ARL15: variants seen among roughly 807,000 people sequenced by gnomAD.
ARL15 encodes the protein ARF like GTPase 15, also known as ADP-ribosylation factor-like protein 15.
Under a neutral mutation model 25.2 loss-of-function variants are expected in ARL15, and 19 were observed. The observed-to-expected ratio is 0.75, with a 90% CI of 0.53 to 1.10. ARL15 has a LOEUF of 1.10. Ranked by LOEUF, ARL15 falls within the 50% of genes least tolerant of loss-of-function variation. The probability of loss-of-function intolerance (pLI) is 0.00; values close to 1 mark genes in which losing one functional copy is unlikely to be tolerated. For missense variants in ARL15, 220 were observed against 246.0 expected, an observed-to-expected ratio of 0.89 and a Z score of 0.71; for synonymous variants, 94 against 86.8, an observed-to-expected ratio of 1.08 and a Z score of -0.46.
chr5:53,961,495 CAAAAAAAAAAAAAAA>C (rs10589852), intron 4 of ARL15, among the ~76,000 whole-genome samples: 1 of 68,876 alleles, frequency 1.5e-5, no homozygotes, highest in East Asian at 4.5e-4. Flanking sequence ...GACTCTGTCT[CAAAAAAAAAAAAAAA>C]AAAAAAAAAA....
intron 4 of ARL15, among the ~76,000 whole-genome samples, chr5:54,081,514 T>C (rs1362488877): frequency 6.6e-6 from 1 of 152,106 alleles, no homozygotes; most frequent in Non-Finnish European, 1.5e-5. Flanking sequence ...TCCCCACATG[T>C]CAAGGGAGAG....
chr5:53,946,835 A>C (rs1006264701), intron 4 of ARL15, among the ~76,000 whole-genome samples: 2 of 152,230 alleles, frequency 1.3e-5, no homozygotes, highest in African/African-American at 4.8e-5. Flanking sequence ...ACAGAAAAGC[A>C]AATCAGAACT....
chr5:54,203,710 A>G (rs3797255), intron 1 of ARL15, among the ~76,000 whole-genome samples: 94,324 of 151,986 alleles, frequency 0.62, 29,731 homozygotes, highest in African/African-American at 0.71. Flanking sequence ...ATGTATGTGT[A>G]GAACCATCAG....
chr5:54,063,603 T>C (rs935244957), intron 4 of ARL15, among the ~76,000 whole-genome samples: 1 of 151,498 alleles, frequency 6.6e-6, no homozygotes, highest in African/African-American at 2.4e-5. Flanking sequence ...CATGGATATG[T>C]ATGACAAACT....
intron 4 of ARL15, among the ~76,000 whole-genome samples, chr5:53,917,119 C>T (rs1350675133): frequency 2.0e-5 from 3 of 152,084 alleles, no homozygotes; most frequent in East Asian, 3.9e-4. Flanking sequence ...CTCTGGAAGG[C>T]CCCTGAAAGT....
intron 1 of ARL15, among the ~76,000 whole-genome samples, chr5:54,291,299 C>T (rs1169165985): frequency 6.6e-6 from 1 of 152,034 alleles, no homozygotes; most frequent in East Asian, 1.9e-4. Flanking sequence ...GCTCCAGGAC[C>T]CTCTGCAGAT....
chr5:54,199,549 A>G (rs1362939562), intron 1 of ARL15, among the ~76,000 whole-genome samples: 1 of 151,908 alleles, frequency 6.6e-6, no homozygotes, highest in African/African-American at 2.4e-5. Flanking sequence ...AAAAATGCTC[A>G]CCATCACTGG....
chr5:54,240,232 TAAAA>T (rs36061787), intron 1 of ARL15, among the ~76,000 whole-genome samples: 1 of 132,782 alleles, frequency 7.5e-6, no homozygotes, highest in South Asian at 2.3e-4. Flanking sequence ...ATCTCAAAAA[TAAAA>T]AAAAAAAAAA....
At chr5:53,949,587 T>G (rs1374288444) in intron 4 of ARL15, among the ~76,000 whole-genome samples, 1 of 152,238 alleles carries the variant, frequency 6.6e-6, no homozygotes, top group Non-Finnish European at 1.5e-5. Flanking sequence ...ATTAATGGGC[T>G]TGCTCATATT....
intron 1 of ARL15, among the ~76,000 whole-genome samples, chr5:54,195,079 T>C (rs1755513447): frequency 1.3e-5 from 2 of 152,124 alleles, no homozygotes; most frequent in African/African-American, 4.8e-5. Flanking sequence ...GCAATATCAT[T>C]CTTATTTCTC....
chr5:53,923,554 G>C (rs1484235343), intron 4 of ARL15, among the ~76,000 whole-genome samples: 2 of 152,016 alleles, frequency 1.3e-5, no homozygotes, highest in Admixed American at 6.6e-5. Flanking sequence ...TTACCTAAAG[G>C]CATCTCCTTT....
chr5:54,004,094 C>T (rs1205814848), intron 4 of ARL15, among the ~76,000 whole-genome samples: 1 of 152,214 alleles, frequency 6.6e-6, no homozygotes, highest in Non-Finnish European at 1.5e-5. Flanking sequence ...CTTGCCATCG[C>T]TTTGCCACTT....
At chr5:53,985,383 G>A (rs758097410) in intron 4 of ARL15, among the ~76,000 whole-genome samples, 1 of 152,138 alleles carries the variant, frequency 6.6e-6, no homozygotes, top group African/African-American at 2.4e-5. Flanking sequence ...ATAATGTTGT[G>A]CAACCATCAC....
intron 1 of ARL15, among the ~76,000 whole-genome samples, chr5:54,190,186 T>G (rs1755356897): frequency 6.6e-6 from 1 of 151,872 alleles, no homozygotes; most frequent in Non-Finnish European, 1.5e-5. Context: ...AGGTCAGGAG[T>G]TCGAGACCAG....
At chr5:54,084,658 T>C (rs999496699) in intron 4 of ARL15, among the ~76,000 whole-genome samples, 2 of 152,154 alleles carry the variant, frequency 1.3e-5, no homozygotes, top group Non-Finnish European at 2.9e-5. Context: ...CAGATTTGTC[T>C]GTGGCATTAG....
intron 1 of ARL15, among the ~76,000 whole-genome samples, chr5:54,233,711 T>C (rs1162366707): frequency 6.6e-6 from 1 of 152,226 alleles, no homozygotes; most frequent in African/African-American, 2.4e-5. Context: ...CATTTGATTG[T>C]TTAGATATAG....
rs542806246 is a variant in ARL15, at chr5:54,061,477, G to A, written c.462+51725C>T. Among the ~76,000 whole-genome samples, 4 of 152,270 alleles carry A rather than the reference G, an allele frequency of 2.6e-5. No homozygotes were observed. The East Asian group carries it at 7.7e-4, about 29-fold the overall frequency. ...AATACAAAACTACCTGGGCATGGTG[G>A]TGTATGCCTGTAATCCCAGCTACTT... On this transcript the variant is annotated intron_variant, in intron 4 of 4. Transcript: ENST00000504924.
intron 4 of ARL15, among the ~76,000 whole-genome samples, chr5:53,905,691 A>G (rs916119119): frequency 6.6e-6 from 1 of 152,140 alleles, no homozygotes; most frequent in South Asian, 2.1e-4. Context: ...AATTCTTACC[A>G]AATTCATTTT....
At chr5:53,888,721 C>T (rs1047908865) in intron 4 of ARL15, among the ~76,000 whole-genome samples, 6 of 152,254 alleles carry the variant, frequency 3.9e-5, no homozygotes, top group Admixed American at 2.6e-4. Flanking sequence ...AACCCAACTC[C>T]GCAGAGGGAA....
Sources: gnomAD v4.1 joint callset for allele counts (sites outside exome capture counted in the v4.1 genomes callset) on GRCh38, gnomAD v4.1.1 for gene constraint, MANE v1.5 for transcripts, NCBI Gene and HGNC (gene_info 2026-07-23, HGNC 2026-07-21) for gene names.